MSRB1: variants seen among roughly 807,000 people sequenced by gnomAD.
MSRB1 encodes methionine sulfoxide reductase B1.
MSRB1 carries 13 observed loss-of-function variants against 15.2 expected under a neutral mutation model. That is an observed-to-expected ratio of 0.86 (90% CI 0.56 to 1.36). MSRB1 has a LOEUF of 1.36. MSRB1 is among the 40% of genes most tolerant of loss of function. MSRB1 has a pLI of 0.00. For missense variants in MSRB1, 174 were observed against 155.9 expected, an observed-to-expected ratio of 1.12 and a Z score of -0.62; for synonymous variants, 68 against 64.5, an observed-to-expected ratio of 1.05 and a Z score of -0.26.
At position 1,939,129 on chromosome 16, in the gene MSRB1, C is replaced by A; in HGVS notation, c.334G>T (p.Ala112Ser). 2 of 1,607,998 alleles carry A rather than the reference C, an allele frequency of 1.2e-6. No individual in the cohort carries two copies. The highest frequency in any genetic ancestry group is 2.2e-5 in the South Asian group (2 of 90,676). The change falls in exon 4 of 4, where the codon GCC becomes TCC. Residue 112 changes from alanine (A) to serine (S), a missense_variant. Ala to Ser is a moderately conservative substitution (Grantham distance 99). Transcript: ENST00000361871. ...KFVPKGKETSASQGH is the reference protein window; with the variant it reads ...KFVPKGKETSSSQGH Reference sequence around the variant, plus strand: ...CTGCCCGCCTAGTGACCCTGGGAGGCAGAAGTTTCTTTGCCTGAAAGAGAG... The same window carrying A: ...CTGCCCGCCTAGTGACCCTGGGAGGAAGAAGTTTCTTTGCCTGAAAGAGAG...
intron 1 of MSRB1, 98 bp downstream of exon 1, chr16:1,943,004 C>T: frequency 1.3e-6 from 2 of 1,496,674 alleles, no homozygotes; most frequent in Non-Finnish European, 1.8e-6. Flanking sequence ...CCCCCATTCC[C>T]GGCTTGGGAG....
At chr16:1,941,506 T>G in intron 1 of MSRB1, 101 bp from the exon 2 acceptor site, 4 of 1,437,120 alleles carry the variant, frequency 2.8e-6, no homozygotes, top group Non-Finnish European at 3.7e-6. Flanking sequence ...GCTGCCCCCG[T>G]TCCGAGGGTA....
chr16:1,943,031 C>A (rs1009145770), intron 1 of MSRB1, 71 bp downstream of exon 1: 21 of 1,538,066 alleles, frequency 1.4e-5, no homozygotes, highest in Non-Finnish European at 1.7e-5. Context: ...CACCCCCGGA[C>A]GACGGCGGCG....
chr16:1,940,024 C>G (rs933159421), intron 3 of MSRB1, among the ~76,000 whole-genome samples: 3 of 151,534 alleles, frequency 2.0e-5, no homozygotes, highest in Non-Finnish European at 4.4e-5. Context: ...ATAATTCGAG[C>G]ACTTTGAGAG....
chr16:1,941,433 A>G (rs896396315), intron 1 of MSRB1, 28 bp from the exon 2 acceptor site: 25 of 1,592,922 alleles, frequency 1.6e-5, no homozygotes, highest in Non-Finnish European at 2.1e-5. Context: ...GCAAATGTGG[A>G]GTCATCAGCT....
Position 1,941,293 on chromosome 16 carries a change from GGCCACGCT to G in MSRB1, c.160_167del (p.Ser54GlnfsTer7). 1 of 1,613,300 alleles carries G rather than the reference GGCCACGCT, an allele frequency of 6.2e-7. No homozygotes were observed. Among genetic ancestry groups the G allele is most frequent in the South Asian group, 1.1e-5 (1 of 91,050 alleles). On this transcript the variant is annotated frameshift_variant, in exon 2 of 4. Coordinates refer to ENST00000361871, the MANE Select transcript of MSRB1 (RefSeq NM_016332.4). LOFTEE classifies it high-confidence loss of function. The stretch of plus-strand genomic sequence containing the variant: ...CAGATCTATTGTGCTCCGGACGCTT[GGCCACGCT>G]GTCGGCGTGAATGGTCTCGGTGAAC...
In MSRB1 at chr16:1,940,813, CA is replaced by C; in HGVS notation, c.283del (p.Sec95GlufsTer7). 1 of 1,614,076 alleles carries C rather than the reference CA, an allele frequency of 6.2e-7. No homozygotes were observed. The highest frequency in any genetic ancestry group is 8.5e-7 in the Non-Finnish European group (1 of 1,179,986). On this transcript the variant is annotated frameshift_variant, in exon 3 of 4. Transcript: ENST00000361871. LOFTEE classifies it high-confidence loss of function. ...DGPKPGQSRF[U>X]IFSSSLKFVP... ...AAACTTCAGCGAGCTGCTGAATATT[CA>C]GAATCGGGACTGCCCCGGCTTGGGG...
chr16:1,941,496 G>A (rs956479774), intron 1 of MSRB1, 91 bp from the exon 2 acceptor site: 98 of 1,471,548 alleles, frequency 6.7e-5, no homozygotes, highest in Non-Finnish European at 8.6e-5. Flanking sequence ...CAAAGACAGC[G>A]CTGCCCCCGT....
chr16:1,938,815 T>G lies in MSRB1; in HGVS notation c.*297A>C, dbSNP rs560473527. 2.6e-5 allele frequency: 13 copies of G among 506,186 alleles called. No homozygotes were observed. The highest frequency in any genetic ancestry group is 4.5e-5 in the Non-Finnish European group (13 of 286,032). The allele number at this position is 506,186 out of a possible 1,614,324, so 31.4% of individuals were successfully genotyped here. On this transcript the variant is annotated 3_prime_UTR_variant, in exon 4 of 4. Coordinates refer to ENST00000361871, the MANE Select transcript of MSRB1 (RefSeq NM_016332.4). ...GGTGTAACGTCATTCAGAGACCAGC[T>G]GCACCCAGGGCTCACCTCCTGGAGG... is the stretch of plus-strand genomic sequence containing the variant.
intron 2 of MSRB1, 37 bp downstream of exon 2, chr16:1,941,220 C>T: frequency 6.2e-7 from 1 of 1,611,026 alleles, no homozygotes; most frequent in African/African-American, 1.3e-5. Flanking sequence ...CTCTCCCTGG[C>T]CGCCCCCGTC....
At chr16:1,940,272 G>GAA (rs1242813427) in intron 3 of MSRB1, among the ~76,000 whole-genome samples, 3 of 123,990 alleles carry the variant, frequency 2.4e-5, no homozygotes, top group East Asian at 2.2e-4. Context: ...CTCCATCTCA[G>GAA]AAAAAAAAAA....
intron 1 of MSRB1, 120 bp from the exon 2 acceptor site, chr16:1,941,525 TCCTTC>T (rs2083077478): frequency 1.4e-6 from 2 of 1,383,700 alleles, no homozygotes; most frequent in South Asian, 2.9e-5. Flanking sequence ...TAGGCTGTGC[TCCTTC>T]CCCAGGCACC....
At chr16:1,939,761 C>A (rs1275933215) in intron 3 of MSRB1, among the ~76,000 whole-genome samples, 1 of 152,160 alleles carries the variant, frequency 6.6e-6, no homozygotes, top group African/African-American at 2.4e-5. Context: ...CCAGACCAGC[C>A]TGGCTAACAT....
At position 1,940,846 on chromosome 16, in the gene MSRB1, T is replaced by C; in HGVS notation, c.251A>G (p.Asn84Ser). 9 of 1,614,082 alleles carry C rather than the reference T, an allele frequency of 5.6e-6. No individual in the cohort carries two copies. The highest frequency in any genetic ancestry group is 7.6e-6 in the Non-Finnish European group (9 of 1,180,042). ...CGNGLGHEFL[N>S]DGPKPGQSRF... is the part of the protein sequence containing the mutation. ...GGACTGCCCCGGCTTGGGGCCGTCG[T>C]TCAGGAACTCGTGGCCCAACCCATT... Residue 84 changes from asparagine to serine, a missense_variant, in exon 3 of 4, where the codon AAC becomes AGC. Physicochemically the swap from Asn to Ser is conservative, Grantham distance 46 (BLOSUM62 1). Transcript: ENST00000361871.
Position 1,943,134 on chromosome 16 carries a change from C to T in MSRB1, c.23G>A (p.Gly8Glu), listed in dbSNP as rs1436058747. 6.4e-7 allele frequency: 1 copy of T among 1,562,984 alleles called. No individual in the cohort carries two copies. Among genetic ancestry groups the T allele is most frequent in the South Asian group, 1.2e-5 (1 of 84,918 alleles). The change falls in exon 1 of 4, where the codon GGG (glycine) becomes GAG (glutamate). Residue 8 changes from glycine to glutamate, a missense_variant. Physicochemically the swap from Gly to Glu is moderately conservative, Grantham distance 98. Coordinates refer to ENST00000361871, the MANE Select transcript of MSRB1 (RefSeq NM_016332.4). MSFCSFFGGEVFQNHFEP... is the reference protein window; with the variant it reads MSFCSFFEGEVFQNHFEP... ...AAAGTGATTCTGGAAAACCTCGCCC[C>T]CGAAGAAGCTGCAGAACGACATGGC...
chr16:1,942,159 C>G (rs2079341034), intron 1 of MSRB1, among the ~76,000 whole-genome samples: 8 of 152,308 alleles, frequency 5.3e-5, no homozygotes. Context: ...TTTCCAGGAA[C>G]TGGAGAAAAA....
At position 1,940,841 on chromosome 16, in the gene MSRB1, C is replaced by T. The variant is rs1433054811; in HGVS notation, c.256G>A (p.Gly86Ser). ...NGLGHEFLND[G>S]PKPGQSRFUI... ...AATCGGGACTGCCCCGGCTTGGGGC[C>T]GTCGTTCAGGAACTCGTGGCCCAAC... The change falls in exon 3 of 4, where the codon GGC (glycine) becomes AGC (serine). Residue 86 changes from glycine to serine, a missense_variant. Physicochemically the swap from Gly to Ser is moderately conservative, Grantham distance 56 (BLOSUM62 0). Transcript: ENST00000361871. 27 of 1,614,014 alleles carry T rather than the reference C, an allele frequency of 1.7e-5. No homozygotes were observed. Among genetic ancestry groups the T allele is most frequent in the Non-Finnish European group, 2.1e-5 (25 of 1,180,040 alleles).
At chr16:1,939,231 G>C (rs2083059617) in intron 3 of MSRB1, 88 bp from the exon 4 acceptor site, 1 of 1,421,880 alleles carries the variant, frequency 7.0e-7, no homozygotes. Context: ...TGGAAAGCCA[G>C]GGTAGGGGCA....
At chr16:1,942,813 G>A (rs1444254917) in intron 1 of MSRB1, among the ~76,000 whole-genome samples, 1 of 151,908 alleles carries the variant, frequency 6.6e-6, no homozygotes, top group African/African-American at 2.4e-5. Context: ...CCACCCCCAC[G>A]TATCCCGATC....
Sources: gnomAD v4.1 joint callset for allele counts (sites outside exome capture counted in the v4.1 genomes callset) on GRCh38, gnomAD v4.1.1 for gene constraint, MANE v1.5 for transcripts, NCBI Gene and HGNC (gene_info 2026-07-23, HGNC 2026-07-21) for gene names.